Variants in SMOX observed in about 807,000 individuals in gnomAD.
SMOX encodes flavin containing amine oxidase.
Under a neutral mutation model 51.0 loss-of-function variants are expected in SMOX, and 22 were observed. That is an observed-to-expected ratio of 0.43 (90% confidence interval 0.31 to 0.62). The LOEUF is 0.62. Ranked by LOEUF, SMOX falls within the 20% of genes least tolerant of loss-of-function variation. The probability of loss-of-function intolerance (pLI) is 0.10; values close to 1 mark genes in which losing one functional copy is unlikely to be tolerated. For missense variants in SMOX, 566 were observed against 777.7 expected (o/e 0.73, Z 3.24); for synonymous variants, 282 against 307.8 (o/e 0.92, Z 0.88).
At chr20:4,169,787 C>T (rs531570302) in intron 1 of SMOX, among the ~76,000 whole-genome samples, 76 of 152,214 alleles carry the variant, frequency 5.0e-4, no homozygotes, top group South Asian at 2.5e-3. Context: ...ACACCCACCC[C>T]GAAATCACAC....
rs1034729750 is a variant in SMOX at position 4,170,177 on chromosome 20, C to A, written c.-26-4853C>A. On this transcript the variant is annotated intron_variant, in intron 1 of 6. Transcript: ENST00000305958. This position sits in a 1 kb window ranked among gnomAD's most constrained non-coding sequence, Gnocchi z 4.6. ...AGGCGGGGTGGGGGGGTGCTTCTGG[C>A]GCAGTTGGGGGTGGAGGTGACATGA... 7.9e-5 allele frequency among the ~76,000 whole-genome samples: 11 copies of A among 139,956 alleles called. No homozygotes were observed. The highest frequency in any genetic ancestry group is 2.7e-4 in the African/African-American group (10 of 37,018). 91.8% of individuals were successfully genotyped at this position (139,956 alleles called of 152,430 possible). A position where few individuals can be genotyped will look rare whatever the true frequency, so the allele number is the denominator to read the frequency against.
At chr20:4,157,927 G>A (rs1222609173) in intron 1 of SMOX, among the ~76,000 whole-genome samples, 6 of 151,884 alleles carry the variant, frequency 4.0e-5, no homozygotes, top group Non-Finnish European at 1.5e-5. Flanking sequence ...TTGAGTTGGA[G>A]TCTCGCTCTG....
At position 4,175,022 on chromosome 20, in the gene SMOX, C is replaced by T. The variant is rs1442694347; in HGVS notation, c.-26-8C>T. The T allele has an allele frequency of 5.0e-6, 8 of 1,610,862 alleles. No individual in the cohort carries two copies. Among genetic ancestry groups the T allele is most frequent in the Middle Eastern group, 3.6e-4 (2 of 5,504 alleles). On this transcript the variant is annotated splice_polypyrimidine_tract_variant and splice_region_variant and intron_variant, in intron 1 of 6. Transcript: ENST00000305958. The stretch of plus-strand genomic sequence containing the variant: ...GCCACTAAGCTGTGACACCTCCTCC[C>T]CCTGCAGGTTCCTAGAAGGTGAGCG...
rs541622557 is a variant in SMOX at position 4,153,260 on chromosome 20, C to T, written c.-27+4283C>T. On this transcript the variant is annotated intron_variant, in intron 1 of 6. Coordinates refer to ENST00000305958, the MANE Select transcript of SMOX (RefSeq NM_175839.3). The surrounding 1 kb of genome is among the most constrained non-coding windows in gnomAD (Gnocchi z 4.4). Reference sequence around the variant, plus strand: ...CAGCTACCGCTTTCTGCCTGAGATGCCATCATTAGAATGTCACCCTTCTGG... The same window carrying T: ...CAGCTACCGCTTTCTGCCTGAGATGTCATCATTAGAATGTCACCCTTCTGG... Among the ~76,000 whole-genome samples, 2 of 152,308 alleles carry T rather than the reference C, an allele frequency of 1.3e-5. No individual in the cohort carries two copies. The highest frequency in any genetic ancestry group is 6.5e-5 in the Admixed American group (1 of 15,300).
At chr20:4,186,211 A>G (rs1442986692) in intron 6 of SMOX, among the ~76,000 whole-genome samples, 1 of 152,018 alleles carries the variant, frequency 6.6e-6, no homozygotes, top group Non-Finnish European at 1.5e-5. Flanking sequence ...GGAGGCTTAG[A>G]TGGGAGGATT....
In SMOX at chr20:4,177,360, C is replaced by T. The variant is rs1366232539; in HGVS notation, c.218C>T (p.Thr73Ile). ...CTGTTGTCACCCTCAGGACACGCCA[C>T]CTTTGAGCTGGGAGCCACCTGGATC... Reference protein sequence around the residue: ...RVQSVKLGHATFELGATWIHG... With the variant: ...RVQSVKLGHAIFELGATWIHG... Residue 73 changes from threonine to isoleucine, a missense_variant, in exon 3 of 7, where the codon ACC (threonine) becomes ATC (isoleucine). Coordinates refer to ENST00000305958, the MANE Select transcript of SMOX (RefSeq NM_175839.3). The surrounding 1 kb of genome is among the most constrained non-coding windows in gnomAD (Gnocchi z 4.3). 7 of 1,552,152 alleles carry T rather than the reference C, an allele frequency of 4.5e-6. No homozygotes were observed. Among genetic ancestry groups the T allele is most frequent in the East Asian group, 2.4e-5 (1 of 41,002 alleles).
In SMOX at chr20:4,177,703, A is replaced by G. The variant is rs1978984198; in HGVS notation, c.435+126A>G. 1 of 833,908 alleles carries G rather than the reference A, an allele frequency of 1.2e-6. No homozygotes were observed. 51.7% of individuals were successfully genotyped at this position (833,908 alleles called of 1,614,324 possible). A position where few individuals can be genotyped will look rare whatever the true frequency, so the allele number is the denominator to read the frequency against. On this transcript the variant is annotated intron_variant, in intron 3 of 6. Transcript: ENST00000305958. This position sits in a 1 kb window ranked among gnomAD's most constrained non-coding sequence, Gnocchi z 4.3. ...GAAAACCAGGATAATGTGAGGGTAA[A>G]ATGAAAATATTCAGTGGGATAGAAC... is the stretch of plus-strand genomic sequence containing the variant.
intron 6 of SMOX, among the ~76,000 whole-genome samples, chr20:4,184,599 G>A (rs1338112243): frequency 6.6e-6 from 1 of 151,344 alleles, no homozygotes; most frequent in African/African-American, 2.4e-5. Flanking sequence ...AAACTCAACA[G>A]TTATATTTAA....
At chr20:4,163,311 G>C (rs1986419242) in intron 1 of SMOX, among the ~76,000 whole-genome samples, 1 of 152,198 alleles carries the variant, frequency 6.6e-6, no homozygotes, top group Non-Finnish European at 1.5e-5. Context: ...TAATGTACTG[G>C]TTGGGAGAAG....
intron 3 of SMOX, among the ~76,000 whole-genome samples, chr20:4,180,699 C>A (rs924283593): frequency 1.3e-5 from 2 of 152,018 alleles, no homozygotes; most frequent in African/African-American, 4.8e-5. Flanking sequence ...CAAAACCAAA[C>A]CCCTTCAGGA....
Position 4,167,707 on chromosome 20 carries a change from C to A in SMOX, c.-26-7323C>A, listed in dbSNP as rs1986627098. Among the ~76,000 whole-genome samples the A allele has an allele frequency of 6.6e-6, 1 of 152,148 alleles. No individual in the cohort carries two copies. The highest frequency in any genetic ancestry group is 1.5e-5 in the Non-Finnish European group (1 of 68,014). ...CAGTGTTCTCTCCCTCCTCTTCTGT[C>A]TCCTGGGTTCATGAGCTGCCCCTGC... On this transcript the variant is annotated intron_variant, in intron 1 of 6. Transcript: ENST00000305958. This position sits in a 1 kb window ranked among gnomAD's most constrained non-coding sequence, Gnocchi z 4.8.
At position 4,183,550 on chromosome 20, in the gene SMOX, C is replaced by G. The variant is rs145492779; in HGVS notation, c.1426C>G (p.Pro476Ala). The change falls in exon 6 of 7, where the codon CCT (proline) becomes GCT (alanine). Residue 476 changes from proline to alanine, a missense_variant. This residue lies in a region of SMOX where 347 missense variants were observed against 481.8 expected (regional missense o/e 0.72). Coordinates refer to ENST00000305958, the MANE Select transcript of SMOX (RefSeq NM_175839.3). The surrounding 1 kb of genome is among the most constrained non-coding windows in gnomAD (Gnocchi z 4.3). ...RILRSAWGSNPYFRGSYSYTQ... is the reference protein window; with the variant it reads ...RILRSAWGSNAYFRGSYSYTQ... Reference sequence around the variant, plus strand: ...CTTGCGCTCGGCCTGGGGCAGCAACCCTTACTTCCGCGGCTCCTATTCATA... The same window carrying G: ...CTTGCGCTCGGCCTGGGGCAGCAACGCTTACTTCCGCGGCTCCTATTCATA... 2.5e-6 allele frequency: 4 copies of G among 1,614,142 alleles called. No homozygotes were observed. In the African/African-American group the frequency reaches 5.3e-5, roughly 22 times the overall value.
intron 1 of SMOX, among the ~76,000 whole-genome samples, chr20:4,157,643 T>C (rs959122086): frequency 2.0e-5 from 3 of 151,982 alleles, no homozygotes; most frequent in African/African-American, 7.3e-5. Context: ...AGCAGGGCAG[T>C]GATGTGATCA....
intron 2 of SMOX, chr20:4,176,263 C>G (rs1014904089): frequency 2.0e-5 from 3 of 152,152 alleles, no homozygotes; most frequent in African/African-American, 7.2e-5. Context: ...CTCAGGTGAT[C>G]CACCTGCCTG....
Position 4,177,368 on chromosome 20 carries a change from C to G in SMOX, c.226C>G (p.Leu76Val), listed in dbSNP as rs972488683. ...ACCCTCAGGACACGCCACCTTTGAG[C>G]TGGGAGCCACCTGGATCCATGGCTC... ...SVKLGHATFE[L>V]GATWIHGSHG... The change falls in exon 3 of 7, where the codon CTG becomes GTG. Residue 76 changes from leucine to valine, a missense_variant. By Grantham distance (32) the Leu-to-Val change is conservative. Around this residue, in one of 3 missense-constraint regions of SMOX, gnomAD observed 217 missense variants for 278.4 expected, o/e 0.78. Transcript: ENST00000305958. The surrounding 1 kb of genome is among the most constrained non-coding windows in gnomAD (Gnocchi z 4.3). 1.9e-6 allele frequency: 3 copies of G among 1,552,600 alleles called. No homozygotes were observed. Among genetic ancestry groups the G allele is most frequent in the Non-Finnish European group, 2.6e-6 (3 of 1,147,458 alleles).
In SMOX at chr20:4,153,632, A is replaced by C. The variant is rs910758292; in HGVS notation, c.-27+4655A>C. Among the ~76,000 whole-genome samples, 18 of 152,164 alleles carry C rather than the reference A, an allele frequency of 1.2e-4. No homozygotes were observed. The highest frequency in any genetic ancestry group is 1.1e-3 in the Admixed American group (17 of 15,276). ...CAGAGTTGAGGGGATCTGCTCATCT[A>C]TCTGGACAGATCCTGCCAGCCTCCT... On this transcript the variant is annotated intron_variant, in intron 1 of 6. Coordinates refer to ENST00000305958, the MANE Select transcript of SMOX (RefSeq NM_175839.3). The surrounding 1 kb of genome is among the most constrained non-coding windows in gnomAD (Gnocchi z 4.4).
chr20:4,158,993 T>C (rs948551613), intron 1 of SMOX, among the ~76,000 whole-genome samples: 5 of 145,148 alleles, frequency 3.4e-5, no homozygotes, highest in Non-Finnish European at 7.5e-5. Flanking sequence ...CAGGGACCTT[T>C]TACTCTCTCT....
Position 4,172,170 on chromosome 20 carries a change from C to T in SMOX, c.-26-2860C>T, listed in dbSNP as rs1978439023. On this transcript the variant is annotated intron_variant, in intron 1 of 6. Coordinates refer to ENST00000305958, the MANE Select transcript of SMOX (RefSeq NM_175839.3). The surrounding 1 kb of genome is among the most constrained non-coding windows in gnomAD (Gnocchi z 7.7). Reference sequence around the variant, plus strand: ...AGGCGTGAGAGCCACTGCAGCCATCCCTTTCCGTAGTGGATAGGAGACTGT... The same window carrying T: ...AGGCGTGAGAGCCACTGCAGCCATCTCTTTCCGTAGTGGATAGGAGACTGT... Among the ~76,000 whole-genome samples, 1 of 152,252 alleles carries T rather than the reference C, an allele frequency of 6.6e-6. No individual in the cohort carries two copies. The highest frequency in any genetic ancestry group is 2.1e-4 in the South Asian group (1 of 4,836).
Position 4,171,923 on chromosome 20 carries a change from A to G in SMOX, c.-26-3107A>G, listed in dbSNP as rs535585095. 2.0e-5 allele frequency: 3 copies of G among 152,456 alleles called. No homozygotes were observed. The South Asian group carries it at 6.2e-4, about 32-fold the overall frequency. 9.4% of individuals were successfully genotyped at this position (152,456 alleles called of 1,614,324 possible). The stretch of plus-strand genomic sequence containing the variant: ...AAGGAGCGGTGAGGACAAGCGGGCC[A>G]TGCATGGCTCTGGGAGCAGGGAAGG... On this transcript the variant is annotated intron_variant, in intron 1 of 6. Transcript: ENST00000305958.
Sources: allele counts gnomAD v4.1 joint callset (sites outside exome capture counted in the v4.1 genomes callset), GRCh38; gene constraint gnomAD v4.1.1; regional missense constraint gnomAD v4.1.1; non-coding constraint Gnocchi (gnomAD v3.1); transcripts MANE v1.5; gene names NCBI Gene and HGNC (gene_info 2026-07-23, HGNC 2026-07-21).